Variants in BNC2 observed in about 807,000 individuals in gnomAD.
BNC2 encodes the protein zinc finger protein basonuclin-2.
BNC2 carries 20 observed loss-of-function variants against 76.3 expected under a neutral mutation model. The ratio of observed to expected loss-of-function variants is 0.26; its 90% CI spans 0.18 to 0.38. BNC2 has a LOEUF of 0.38. BNC2 is among the 10% of genes least tolerant of loss of function. The probability of loss-of-function intolerance (pLI) is 1.00; values close to 1 mark genes in which losing one functional copy is unlikely to be tolerated. For synonymous variants in BNC2, 582 were observed against 514.8 expected (o/e 1.13, Z -1.77); for missense variants, 1,382 against 1,399.8 (o/e 0.99, Z 0.20).
At chr9:16,603,921 T>A (rs1053646893) in intron 3 of BNC2, among the ~76,000 whole-genome samples, 1 of 152,098 alleles carries the variant, frequency 6.6e-6, no homozygotes, top group Non-Finnish European at 1.5e-5. Context: ...CTGCTTAAAA[T>A]GTTAGAAATT....
chr9:16,436,936 G>C lies in BNC2; in HGVS notation c.1258C>G (p.Pro420Ala). The C allele has an allele frequency of 6.2e-7, 1 of 1,614,100 alleles. No homozygotes were observed. The highest frequency in any genetic ancestry group is 8.5e-7 in the Non-Finnish European group (1 of 1,180,024). Residue 420 changes from proline to alanine, a missense_variant, in exon 6 of 7, where the codon CCA becomes GCA. Around this residue, in one of 3 missense-constraint regions of BNC2, gnomAD observed 557 missense variants for 540.9 expected, o/e 1.03. Coordinates refer to ENST00000380672, the MANE Select transcript of BNC2 (RefSeq NM_017637.6). ...CGATGAATCCGGAATGAGCTTTTTG[G>C]GTGTTCAGTTTTGGTTAGATCACTG... ...PVSDLTKTEH[P>A]KSSFRIHRMR...
chr9:16,581,548 T>C (rs1261863601), intron 4 of BNC2, among the ~76,000 whole-genome samples: 2 of 152,068 alleles, frequency 1.3e-5, no homozygotes, highest in Admixed American at 1.3e-4. Flanking sequence ...AAGGTGACCA[T>C]CTACAAATGA....
At position 16,587,199 on chromosome 9, in the gene BNC2, CT is replaced by C. The variant is rs5896697; in HGVS notation, c.331-4115del. Among the ~76,000 whole-genome samples the C allele has an allele frequency of 8.7e-3, 1,202 of 137,614 alleles. 19 individuals are homozygous for C. The highest frequency in any genetic ancestry group is 0.029 in the African/African-American group (1,087 of 37,228). The allele number at this position is 137,614 out of a possible 152,430, so 90.3% of individuals were successfully genotyped here. On this transcript the variant is annotated intron_variant, in intron 3 of 6. Coordinates refer to ENST00000380672, the MANE Select transcript of BNC2 (RefSeq NM_017637.6). ...ACTCTCCATTCCACTGACTAGGAATCTTTTTTTTTTTTTTTTCCTTCTGTTT... is the reference window on the plus strand; with the variant it reads ...ACTCTCCATTCCACTGACTAGGAATCTTTTTTTTTTTTTTTCCTTCTGTTT...
At chr9:16,643,326 G>C (rs1469379483) in intron 3 of BNC2, among the ~76,000 whole-genome samples, 1 of 150,762 alleles carries the variant, frequency 6.6e-6, no homozygotes, top group Non-Finnish European at 1.5e-5. Flanking sequence ...AAAAAAATGA[G>C]GTACCAAATT....
intron 1 of BNC2, among the ~76,000 whole-genome samples, chr9:16,860,197 A>G (rs1819363301): frequency 6.6e-6 from 1 of 152,212 alleles, no homozygotes; most frequent in South Asian, 2.1e-4. Flanking sequence ...TAAAAAGTCA[A>G]CTTCTAAGGA....
At chr9:16,677,578 A>ACACAC (rs61063092) in intron 3 of BNC2, among the ~76,000 whole-genome samples, 6,514 of 139,288 alleles carry the variant, frequency 0.047, 231 homozygotes, top group East Asian at 0.12. Context: ...GTCTCAAACA[A>ACACAC]ACACACACAC....
At chr9:16,699,470 C>G (rs2134545173) in intron 3 of BNC2, among the ~76,000 whole-genome samples, 1 of 152,310 alleles carries the variant, frequency 6.6e-6, no homozygotes, top group South Asian at 2.1e-4. Flanking sequence ...CCCTCATTTT[C>G]TTCTGCAAAA....
intron 3 of BNC2, among the ~76,000 whole-genome samples, chr9:16,715,818 C>A (rs1382988570): frequency 6.6e-6 from 1 of 152,002 alleles, no homozygotes; most frequent in African/African-American, 2.4e-5. Context: ...AACTACTACT[C>A]CTTAAAATGT....
chr9:16,813,632 A>G (rs192677778), intron 1 of BNC2, among the ~76,000 whole-genome samples: 2 of 152,280 alleles, frequency 1.3e-5, no homozygotes, highest in East Asian at 3.9e-4. Context: ...GAATGGAAAG[A>G]GGGGATGAAT....
chr9:16,723,672 C>G (rs1304228677), intron 3 of BNC2, among the ~76,000 whole-genome samples: 6 of 152,008 alleles, frequency 3.9e-5, no homozygotes, highest in Non-Finnish European at 8.8e-5. Flanking sequence ...TTTATCATTT[C>G]TCTGAAAGGT....
At chr9:16,591,663 T>C (rs912736143) in intron 3 of BNC2, among the ~76,000 whole-genome samples, 3 of 152,190 alleles carry the variant, frequency 2.0e-5, no homozygotes, top group African/African-American at 7.2e-5. Context: ...TGTTAAACCA[T>C]AGTGCAAATG....
chr9:16,724,032 CAG>C (rs1453991623), intron 3 of BNC2, among the ~76,000 whole-genome samples: 1 of 151,992 alleles, frequency 6.6e-6, no homozygotes, highest in East Asian at 1.9e-4. Context: ...CATAATGATG[CAG>C]AGAGTCATTT....
In BNC2 at chr9:16,417,793, T is replaced by A. The variant is rs1011207940; in HGVS notation, c.*1196A>T. 2.0e-5 allele frequency: 3 copies of A among 152,672 alleles called. No homozygotes were observed. The highest frequency in any genetic ancestry group is 4.4e-5 in the Non-Finnish European group (3 of 68,044). The allele number at this position is 152,672 out of a possible 1,614,324, so 9.5% of individuals were successfully genotyped here. A position where few individuals can be genotyped will look rare whatever the true frequency, so the allele number is the denominator to read the frequency against. On this transcript the variant is annotated 3_prime_UTR_variant, in exon 7 of 7. Transcript: ENST00000380672. ...CTCTGAAGAATAAATGCCTTGGCTG[T>A]TTCACACCACATAATTTTGTTTTCC...
At chr9:16,614,645 T>A (rs1820643654) in intron 3 of BNC2, among the ~76,000 whole-genome samples, 1 of 60,908 alleles carries the variant, frequency 1.6e-5, no homozygotes, top group Non-Finnish European at 4.3e-5. Flanking sequence ...AAGAGCTACA[T>A]GCATGAAGTT....
At chr9:16,423,643 G>A (rs1158086002) in intron 6 of BNC2, among the ~76,000 whole-genome samples, 4 of 152,138 alleles carry the variant, frequency 2.6e-5, no homozygotes, top group Non-Finnish European at 4.4e-5. Context: ...ATACACTGTA[G>A]AAGGGAAGAA....
At chr9:16,865,358 T>C (rs541235769) in intron 1 of BNC2, among the ~76,000 whole-genome samples, 2 of 152,246 alleles carry the variant, frequency 1.3e-5, no homozygotes, top group Admixed American at 1.3e-4. Context: ...AGTTTTATAG[T>C]CAAGTTCTAG....
chr9:16,496,048 A>T (rs1202223573), intron 5 of BNC2, among the ~76,000 whole-genome samples: 1 of 151,718 alleles, frequency 6.6e-6, no homozygotes, highest in Non-Finnish European at 1.5e-5. Context: ...AGCTGGGATT[A>T]CAGGTGCCCA....
chr9:16,816,664 A>T (rs1289891731), intron 1 of BNC2, among the ~76,000 whole-genome samples: 1 of 152,236 alleles, frequency 6.6e-6, no homozygotes, highest in South Asian at 2.1e-4. Context: ...CTTGTTAAAA[A>T]ATTAATCTCA....
intron 3 of BNC2, among the ~76,000 whole-genome samples, chr9:16,666,185 T>C (rs1240290508): frequency 6.6e-6 from 1 of 152,188 alleles, no homozygotes; most frequent in Middle Eastern, 3.2e-3. Context: ...AAATACATTT[T>C]TTTTTCTATG....
Sources: allele counts gnomAD v4.1 joint callset (sites outside exome capture counted in the v4.1 genomes callset), GRCh38; gene constraint gnomAD v4.1.1; regional missense constraint gnomAD v4.1.1; transcripts MANE v1.5; gene names NCBI Gene and HGNC (gene_info 2026-07-23, HGNC 2026-07-21).